The following SEL1L2 variants were observed in gnomAD, a reference collection of about 807,000 sequenced individuals.
The protein encoded by SEL1L2 is protein sel-1 homolog 2.
A neutral mutation model predicts 98.8 loss-of-function variants in SEL1L2; 89 were observed. The observed-to-expected ratio is 0.90, with a 90% CI of 0.76 to 1.07. The LOEUF (loss-of-function observed/expected upper bound fraction) is 1.07, where lower values mean the gene tolerates loss of function less well. Ranked by LOEUF, SEL1L2 falls within the 50% of genes least tolerant of loss-of-function variation. SEL1L2 has a pLI of 0.00. For missense variants in SEL1L2, 788 were observed against 812.0 expected, an observed-to-expected ratio of 0.97 and a Z score of 0.36; for synonymous variants, 262 against 278.5, an observed-to-expected ratio of 0.94 and a Z score of 0.59.
At chr20:13,869,617 CAAAG>C in intron 13 of SEL1L2, 27 bp from the exon 14 acceptor site, 2 of 1,567,128 alleles carry the variant, frequency 1.3e-6, no homozygotes, top group Non-Finnish European at 1.8e-6. Context: ...CTCTATTACT[CAAAG>C]GCACAAGTAA....
chr20:13,980,409 T>C (rs918511534), intron 1 of SEL1L2, among the ~76,000 whole-genome samples: 4 of 152,176 alleles, frequency 2.6e-5, no homozygotes, highest in Non-Finnish European at 4.4e-5. Context: ...GGTTTCACCA[T>C]GTTGGCCAGG....
intron 17 of SEL1L2, among the ~76,000 whole-genome samples, chr20:13,862,848 C>A (rs1990389461): frequency 6.6e-6 from 1 of 151,968 alleles, no homozygotes; most frequent in Non-Finnish European, 1.5e-5. Context: ...CCACCACACC[C>A]AACTAATTTT....
rs1410148140 is a variant in SEL1L2, at chr20:13,913,838, C to A, written c.493G>T (p.Ala165Ser). 6.4e-7 allele frequency: 1 copy of A among 1,558,202 alleles called. No individual in the cohort carries two copies. Among genetic ancestry groups the A allele is most frequent in the East Asian group, 2.4e-5 (1 of 41,032 alleles). The change falls in exon 5 of 20, where the codon GCA (alanine) becomes TCA (serine). Residue 165 changes from alanine to serine, a missense_variant. By Grantham distance (99) the Ala-to-Ser change is moderately conservative (BLOSUM62 1). Coordinates refer to ENST00000284951, the MANE Select transcript of SEL1L2 (RefSeq NM_025229.2). ...AAGGACTCATATAATTGGATAGCTG[C>A]TGTTATATTTTGCACGCCAAAATTT... ...FGNFGVQNIT[A>S]AIQLYESLAK...
rs111875187 is a variant in SEL1L2 at position 13,949,403 on chromosome 20, G to A, written c.114+6673C>T. 1.5e-3 allele frequency among the ~76,000 whole-genome samples: 234 copies of A among 152,248 alleles called. 1 individual carries two copies. The highest frequency in any genetic ancestry group is 5.3e-3 in the African/African-American group (221 of 41,538). On this transcript the variant is annotated intron_variant, in intron 2 of 19. Coordinates refer to ENST00000284951, the MANE Select transcript of SEL1L2 (RefSeq NM_025229.2). Reference sequence around the variant, plus strand: ...CAACAGGCCGGGCGCGGTGGCTCACGCCTGTAATCCCAGCACCTTGGGAGG... The same window carrying A: ...CAACAGGCCGGGCGCGGTGGCTCACACCTGTAATCCCAGCACCTTGGGAGG...
intron 18 of SEL1L2, among the ~76,000 whole-genome samples, chr20:13,853,557 T>A (rs1266507064): frequency 6.6e-6 from 1 of 152,318 alleles, no homozygotes; most frequent in East Asian, 1.9e-4. Context: ...ATTGTAATAA[T>A]GGTTAATATG....
intron 1 of SEL1L2, among the ~76,000 whole-genome samples, chr20:13,962,186 A>T (rs2050811186): frequency 6.6e-6 from 1 of 152,196 alleles, no homozygotes; most frequent in Admixed American, 6.5e-5. Context: ...AATGGCCCCC[A>T]GGGAATCACA....
intron 1 of SEL1L2, among the ~76,000 whole-genome samples, chr20:13,966,239 T>G (rs1290419761): frequency 1.3e-5 from 2 of 152,168 alleles, no homozygotes; most frequent in Non-Finnish European, 2.9e-5. Context: ...GTGAGATGCT[T>G]ATTTTTGGAC....
At chr20:13,917,862 T>C (rs1478727395) in intron 4 of SEL1L2, among the ~76,000 whole-genome samples, 4 of 141,108 alleles carry the variant, frequency 2.8e-5, no homozygotes, top group Non-Finnish European at 6.0e-5. Flanking sequence ...TGTTATTGCA[T>C]GGTCTTGGCT....
chr20:13,906,963 G>A (rs2047960270), intron 5 of SEL1L2, among the ~76,000 whole-genome samples: 2 of 152,148 alleles, frequency 1.3e-5, no homozygotes, highest in Admixed American at 1.3e-4. Context: ...ACAGGCATGA[G>A]CCACCACACC....
At chr20:13,992,314 G>A (rs1288401199), upstream of SEL1L2, among the ~76,000 whole-genome samples, 1 of 151,990 alleles carries the variant, frequency 6.6e-6, no homozygotes, top group East Asian at 1.9e-4. Flanking sequence ...GACCAGCCTG[G>A]CCAACATGGT....
chr20:13,854,258 T>C (rs1178640637), intron 18 of SEL1L2, among the ~76,000 whole-genome samples: 3 of 152,230 alleles, frequency 2.0e-5, no homozygotes, highest in Admixed American at 6.5e-5. Flanking sequence ...TAGGTCTACA[T>C]ATATGTATTT....
upstream of SEL1L2, among the ~76,000 whole-genome samples, chr20:13,994,221 G>C (rs898743996): frequency 2.7e-5 from 4 of 148,452 alleles, no homozygotes; most frequent in Non-Finnish European, 4.4e-5. Flanking sequence ...GCTTGAACCT[G>C]GCAGAAAGAG....
At chr20:13,910,177 G>T (rs1354984287) in intron 5 of SEL1L2, among the ~76,000 whole-genome samples, 1 of 152,168 alleles carries the variant, frequency 6.6e-6, no homozygotes, top group Non-Finnish European at 1.5e-5. Context: ...ACCCAGAGAG[G>T]ACAAGTCATT....
At chr20:13,897,682 A>G (rs540346794) in intron 5 of SEL1L2, among the ~76,000 whole-genome samples, 11 of 152,200 alleles carry the variant, frequency 7.2e-5, no homozygotes, top group Non-Finnish European at 1.5e-4. Flanking sequence ...CAACATCACT[A>G]ATCATTAAGG....
rs368891130 is a variant in SEL1L2 at position 13,876,125 on chromosome 20, A to T, written c.1027-10T>A. 128 of 1,602,578 alleles carry T rather than the reference A, an allele frequency of 8.0e-5. No individual in the cohort carries two copies. The African/African-American group carries it at 1.6e-3, about 20-fold the overall frequency. On this transcript the variant is annotated splice_polypyrimidine_tract_variant and intron_variant, in intron 11 of 19. Transcript: ENST00000284951. ...TCCCCTCTAAATACATCTAGGAAGA[A>T]AAATGAAAAGAGGATAGAAAAAACA...
intron 1 of SEL1L2, among the ~76,000 whole-genome samples, chr20:13,956,901 T>C (rs1008123534): frequency 1.9e-4 from 29 of 152,206 alleles, no homozygotes; most frequent in African/African-American, 6.5e-4. Context: ...TGATGCATTG[T>C]AAAAATGATC....
At chr20:13,928,236 A>C (rs2048981280) in intron 3 of SEL1L2, 1 of 152,152 alleles carries the variant, frequency 6.6e-6, no homozygotes, top group African/African-American at 2.4e-5. Context: ...TCAAAAACAA[A>C]ATGTCAACGT....
intron 10 of SEL1L2, among the ~76,000 whole-genome samples, chr20:13,881,141 G>A (rs1413079650): frequency 6.6e-6 from 1 of 152,166 alleles, no homozygotes; most frequent in African/African-American, 2.4e-5. Flanking sequence ...AGCCTCCTGA[G>A]TGGCTGGGAC....
chr20:13,990,345 C>G (rs778839602), intron 1 of SEL1L2, 132 bp downstream of exon 1: 10 of 669,496 alleles, frequency 1.5e-5, no homozygotes, highest in Non-Finnish European at 2.4e-5. Flanking sequence ...TTTTAAAGTA[C>G]CTGTACAAAA....
Sources: allele counts gnomAD v4.1 joint callset (sites outside exome capture counted in the v4.1 genomes callset), GRCh38; gene constraint gnomAD v4.1.1; transcripts MANE v1.5; gene names NCBI Gene and HGNC (gene_info 2026-07-23, HGNC 2026-07-21).